AKAP10: variants seen among roughly 807,000 people sequenced by gnomAD.
AKAP10 encodes the protein A-kinase anchoring protein 10.
A neutral mutation model predicts 80.8 loss-of-function variants in AKAP10; 24 were observed. That is an observed-to-expected ratio of 0.30 (90% CI 0.22 to 0.42). AKAP10 has a LOEUF of 0.42. AKAP10 is among the 10% of genes least tolerant of loss of function. AKAP10 has a pLI of 1.00. For missense variants in AKAP10, 661 were observed against 794.9 expected, an observed-to-expected ratio of 0.83 and a Z score of 2.03; for synonymous variants, 291 against 277.7, an observed-to-expected ratio of 1.05 and a Z score of -0.48.
At chr17:19,976,129 T>C (rs1033721197) in intron 1 of AKAP10, among the ~76,000 whole-genome samples, 1 of 151,986 alleles carries the variant, frequency 6.6e-6, no homozygotes, top group South Asian at 2.1e-4. Flanking sequence ...GGTCTGCCCC[T>C]GTTACAGTTA....
intron 4 of AKAP10, among the ~76,000 whole-genome samples, chr17:19,949,781 GA>G (rs35398779): frequency 0.49 from 57,222 of 117,084 alleles, 11,909 homozygotes; most frequent in African/African-American, 0.58. Flanking sequence ...AAAAAAAAGA[GA>G]AAAAAAAAAA....
At chr17:19,916,074 C>G (rs1456471281) in intron 12 of AKAP10, among the ~76,000 whole-genome samples, 1 of 152,200 alleles carries the variant, frequency 6.6e-6, no homozygotes, top group East Asian at 1.9e-4. Flanking sequence ...AGCTCTCTAG[C>G]TTCGGGCCTC....
intron 5 of AKAP10, among the ~76,000 whole-genome samples, chr17:19,946,271 A>ATTTT (rs2043127009): frequency 1.7e-4 from 4 of 23,362 alleles, no homozygotes; most frequent in African/African-American, 3.4e-4. Context: ...ATATATATAT[A>ATTTT]TATATTTTTT....
intron 10 of AKAP10, among the ~76,000 whole-genome samples, chr17:19,928,689 C>T (rs1427180235): frequency 1.3e-5 from 2 of 152,056 alleles, no homozygotes; most frequent in Non-Finnish European, 2.9e-5. Context: ...CCAGACTGGC[C>T]AACATGGTGA....
In AKAP10 at chr17:19,950,702, C is replaced by T. The variant is rs112944134; in HGVS notation, c.878-3197G>A. ...CGCCTGCCTTGGCCTCCCAAAGTGC[C>T]GAGATTGCAGCCTCTGCCCGGCCGC... is the stretch of plus-strand genomic sequence containing the variant. On this transcript the variant is annotated intron_variant, in intron 4 of 14. Transcript: ENST00000225737. Among the ~76,000 whole-genome samples the T allele has an allele frequency of 2.6e-5, 4 of 152,180 alleles. No homozygotes were observed. The South Asian group carries it at 8.3e-4, about 32-fold the overall frequency.
chr17:19,976,871 T>C lies in AKAP10; in HGVS notation c.88+721A>G, dbSNP rs147134161. On this transcript the variant is annotated intron_variant, in intron 1 of 14. Transcript: ENST00000225737. ...AGGAATTGACAGGAAAAATCACTGC[T>C]GTCCACAGACCCATACTTGCTCACT... 2.7e-3 allele frequency among the ~76,000 whole-genome samples: 404 copies of C among 152,318 alleles called. 1 individual carries two copies. Among genetic ancestry groups the C allele is most frequent in the African/African-American group, 9.2e-3 (381 of 41,576 alleles).
intron 14 of AKAP10, 37 bp downstream of exon 14, chr17:19,909,144 A>C: frequency 1.3e-6 from 2 of 1,540,142 alleles, no homozygotes; most frequent in East Asian, 4.6e-5. Context: ...CTGGAAAATA[A>C]TACTTTTTAG....
At chr17:19,971,464 ACG>A (rs2043496882) in intron 1 of AKAP10, among the ~76,000 whole-genome samples, 1 of 151,158 alleles carries the variant, frequency 6.6e-6, no homozygotes. Context: ...AGCTGAGATC[ACG>A]CCACTGCACT....
intron 8 of AKAP10, among the ~76,000 whole-genome samples, chr17:19,937,519 A>G (rs1367672388): frequency 1.3e-5 from 2 of 151,932 alleles, no homozygotes; most frequent in Non-Finnish European, 2.9e-5. Flanking sequence ...AAAAAAGAAG[A>G]AAAAAAAGAA....
chr17:19,921,379 T>G (rs1223330882), intron 11 of AKAP10, among the ~76,000 whole-genome samples: 1 of 151,962 alleles, frequency 6.6e-6, no homozygotes, highest in Non-Finnish European at 1.5e-5. Flanking sequence ...TTGGCCAGGG[T>G]GGTCTCGATC....
chr17:19,928,224 C>CA lies in AKAP10; in HGVS notation c.1641+3580dup, dbSNP rs1049335904. Among the ~76,000 whole-genome samples the CA allele has an allele frequency of 5.5e-5, 8 of 145,772 alleles. No individual in the cohort carries two copies. In the South Asian group the frequency reaches 6.4e-4, roughly 12 times the overall value. ...TGGCTGACAGAGTGAGACTTGGTCT[C>CA]AAAAAAAAATAAATAAATAAAAATA... On this transcript the variant is annotated intron_variant, in intron 10 of 14. Transcript: ENST00000225737.
intron 9 of AKAP10, among the ~76,000 whole-genome samples, chr17:19,932,608 T>C (rs2152413162): frequency 6.6e-6 from 1 of 152,300 alleles, no homozygotes; most frequent in African/African-American, 2.4e-5. Flanking sequence ...TTCTGGTTTA[T>C]GATAAATGTT....
intron 1 of AKAP10, among the ~76,000 whole-genome samples, chr17:19,973,242 A>G (rs975176025): frequency 4.6e-5 from 7 of 152,206 alleles, no homozygotes; most frequent in Admixed American, 4.6e-4. Context: ...AGCCTCCCAA[A>G]GTGCTGGCCA....
chr17:19,928,848 C>T (rs1038926309), intron 10 of AKAP10, among the ~76,000 whole-genome samples: 4 of 152,136 alleles, frequency 2.6e-5, no homozygotes, highest in South Asian at 2.1e-4. Context: ...CCAGCCTGGG[C>T]GACAGAGCAA....
chr17:19,946,219 A>ATATT (rs1352119195), intron 5 of AKAP10, among the ~76,000 whole-genome samples: 340 of 26,690 alleles, frequency 0.013, 18 homozygotes, highest in African/African-American at 0.041. Context: ...ATATATATAT[A>ATATT]TTTTATATAT....
chr17:19,972,466 G>T (rs191677146), intron 1 of AKAP10, among the ~76,000 whole-genome samples: 2 of 151,790 alleles, frequency 1.3e-5, no homozygotes, highest in African/African-American at 4.8e-5. Flanking sequence ...GTTTTGTTTT[G>T]TTTTTTTGAG....
chr17:19,972,519 G>A (rs1046782326), intron 1 of AKAP10, among the ~76,000 whole-genome samples: 4 of 151,418 alleles, frequency 2.6e-5, no homozygotes, highest in East Asian at 2.0e-4. Context: ...GCAGTGGCGC[G>A]ATCTCAGCTC....
intron 1 of AKAP10, among the ~76,000 whole-genome samples, chr17:19,977,313 T>C (rs1310706272): frequency 6.6e-6 from 1 of 152,214 alleles, no homozygotes; most frequent in Non-Finnish European, 1.5e-5. Context: ...AACCCCCACC[T>C]AAGAACTGTT....
intron 3 of AKAP10, among the ~76,000 whole-genome samples, chr17:19,962,111 G>A (rs2043357341): frequency 6.6e-6 from 1 of 151,958 alleles, no homozygotes; most frequent in African/African-American, 2.4e-5. Context: ...GTAAAACCCT[G>A]TCTCAAGAAA....
Sources: gnomAD v4.1 joint callset for allele counts (sites outside exome capture counted in the v4.1 genomes callset) on GRCh38, gnomAD v4.1.1 for gene constraint, MANE v1.5 for transcripts, NCBI Gene and HGNC (gene_info 2026-07-23, HGNC 2026-07-21) for gene names.